KCNAB1: variants seen among roughly 807,000 people sequenced by gnomAD.
KCNAB1 encodes the protein voltage-gated potassium channel subunit beta-1.
Under a neutral mutation model 64.6 loss-of-function variants are expected in KCNAB1, and 35 were observed. The observed-to-expected ratio is 0.54, with a 90% CI of 0.41 to 0.72. The LOEUF (loss-of-function observed/expected upper bound fraction) is 0.72. Among genes scored for constraint, KCNAB1 ranks in the 30% least tolerant of loss-of-function variants. KCNAB1 has a pLI of 0.00. For synonymous variants in KCNAB1, 177 were observed against 183.8 expected (o/e 0.96, Z 0.30); for missense variants, 401 against 512.9 (o/e 0.78, Z 2.11).
intron 1 of KCNAB1, among the ~76,000 whole-genome samples, chr3:156,252,755 A>G (rs1717900996): frequency 6.6e-6 from 1 of 152,196 alleles, no homozygotes; most frequent in Non-Finnish European, 1.5e-5. Flanking sequence ...AGCACTCAGG[A>G]CAGGCTTTCT....
At chr3:156,181,131 TTTTAA>T (rs1333370808) in intron 1 of KCNAB1, among the ~76,000 whole-genome samples, 3 of 152,200 alleles carry the variant, frequency 2.0e-5, no homozygotes, top group Non-Finnish European at 4.4e-5. Context: ...AATGATCTCA[TTTTAA>T]TTTAATTACC....
intron 1 of KCNAB1, among the ~76,000 whole-genome samples, chr3:156,383,413 G>A (rs867365236): frequency 9.9e-5 from 15 of 152,124 alleles, no homozygotes; most frequent in African/African-American, 3.6e-4. Flanking sequence ...CCTTTTGTAT[G>A]AGGCCTAAAC....
chr3:156,174,274 C>G (rs1315086598), intron 1 of KCNAB1, among the ~76,000 whole-genome samples: 2 of 152,182 alleles, frequency 1.3e-5, no homozygotes, highest in African/African-American at 4.8e-5. Context: ...TCTCTTTGTT[C>G]CCTTCAAGCA....
chr3:156,163,986 A>G (rs536447640), intron 1 of KCNAB1, among the ~76,000 whole-genome samples: 1 of 152,260 alleles, frequency 6.6e-6, no homozygotes, highest in African/African-American at 2.4e-5. Flanking sequence ...GGTGCATACT[A>G]ATGTGCAAGA....
chr3:156,524,678 C>T (rs919666956), intron 12 of KCNAB1, among the ~76,000 whole-genome samples: 3 of 131,672 alleles, frequency 2.3e-5, no homozygotes, highest in African/African-American at 8.6e-5. Flanking sequence ...ACCCGAGTGG[C>T]GGAGCTTGCA....
intron 1 of KCNAB1, among the ~76,000 whole-genome samples, chr3:156,199,052 G>C (rs999127753): frequency 6.7e-6 from 1 of 149,912 alleles, no homozygotes; most frequent in African/African-American, 2.5e-5. Flanking sequence ...GTCTGTAAAG[G>C]ATTTTATTTC....
At chr3:156,384,198 T>C (rs1712392984) in intron 1 of KCNAB1, among the ~76,000 whole-genome samples, 1 of 152,230 alleles carries the variant, frequency 6.6e-6, no homozygotes, top group Non-Finnish European at 1.5e-5. Context: ...TGGCAGCTTG[T>C]TGGAAAATGG....
intron 1 of KCNAB1, among the ~76,000 whole-genome samples, chr3:156,419,394 G>T (rs187771271): frequency 6.6e-6 from 1 of 151,820 alleles, no homozygotes; most frequent in African/African-American, 2.4e-5. Context: ...CCAGCTACTC[G>T]GGAGGCTGAG....
At chr3:156,182,269 A>G (rs943519513) in intron 1 of KCNAB1, among the ~76,000 whole-genome samples, 3 of 152,162 alleles carry the variant, frequency 2.0e-5, no homozygotes, top group Non-Finnish European at 4.4e-5. Flanking sequence ...CCCTGCTCCT[A>G]TTTTGTATCT....
chr3:156,141,061 T>C (rs1327616993), intron 1 of KCNAB1, among the ~76,000 whole-genome samples: 1 of 142,450 alleles, frequency 7.0e-6, no homozygotes, highest in Non-Finnish European at 1.5e-5. Context: ...GTTTCTTTGC[T>C]TTTTTTTTTT....
chr3:156,282,311 T>C (rs1405233128), intron 1 of KCNAB1, among the ~76,000 whole-genome samples: 2 of 149,598 alleles, frequency 1.3e-5, no homozygotes, highest in Admixed American at 1.3e-4. Flanking sequence ...TCTAGTTTGA[T>C]TGCACTATGG....
intron 2 of KCNAB1, among the ~76,000 whole-genome samples, chr3:156,435,789 G>T (rs1356685848): frequency 6.6e-6 from 1 of 152,146 alleles, no homozygotes; most frequent in Non-Finnish European, 1.5e-5. Flanking sequence ...ATTAAATAAG[G>T]CATACCTTCA....
chr3:156,292,277 G>A (rs1311848886), intron 1 of KCNAB1: 10 of 871,092 alleles, frequency 1.1e-5, no homozygotes, highest in South Asian at 1.7e-5. Flanking sequence ...TCTTTAGGGG[G>A]ATGAATAAAC....
intron 1 of KCNAB1, among the ~76,000 whole-genome samples, chr3:156,139,295 C>T (rs943649838): frequency 6.6e-6 from 1 of 152,172 alleles, no homozygotes; most frequent in African/African-American, 2.4e-5. Flanking sequence ...TTGGCTTTCT[C>T]ATTTCTCTCT....
intron 1 of KCNAB1, among the ~76,000 whole-genome samples, chr3:156,399,873 G>A (rs967466998): frequency 2.6e-5 from 4 of 152,048 alleles, no homozygotes; most frequent in African/African-American, 4.8e-5. Flanking sequence ...TAAAATTACC[G>A]CACCACCTTC....
intron 10 of KCNAB1, 51 bp from the exon 11 acceptor site, chr3:156,516,219 C>A: frequency 7.3e-7 from 1 of 1,375,130 alleles, no homozygotes; most frequent in Non-Finnish European, 1.0e-6. Context: ...CCGCCACCCA[C>A]CTTTTGATCC....
chr3:156,291,847 C>A, intron 1 of KCNAB1: 1 of 1,605,694 alleles, frequency 6.2e-7, no homozygotes, highest in East Asian at 2.2e-5. Flanking sequence ...AACTGCTCAA[C>A]CTCTCGTGAC....
intron 1 of KCNAB1, among the ~76,000 whole-genome samples, chr3:156,149,359 G>A (rs565774885): frequency 5.8e-4 from 88 of 152,158 alleles, no homozygotes; most frequent in African/African-American, 2.0e-3. Flanking sequence ...ACATTACTAC[G>A]GACTATCATA....
chr3:156,190,587 G>C (rs1713499148), intron 1 of KCNAB1, among the ~76,000 whole-genome samples: 1 of 152,170 alleles, frequency 6.6e-6, no homozygotes, highest in Admixed American at 6.5e-5. Flanking sequence ...CTTGAGCCTG[G>C]TTCCTCATCT....
Sources: allele counts gnomAD v4.1 joint callset (sites outside exome capture counted in the v4.1 genomes callset), GRCh38; gene constraint gnomAD v4.1.1; transcripts MANE v1.5; gene names NCBI Gene and HGNC (gene_info 2026-07-23, HGNC 2026-07-21).